FER1L6: variants seen among roughly 807,000 people sequenced by gnomAD.
FER1L6 encodes the protein fer-1-like protein 6.
Under a neutral mutation model 219.2 loss-of-function variants are expected in FER1L6, and 177 were observed. That is an observed-to-expected ratio of 0.81 (90% CI 0.71 to 0.91). The LOEUF (loss-of-function observed/expected upper bound fraction) is 0.91. Among genes scored for constraint, FER1L6 ranks in the 40% least tolerant of loss-of-function variants. FER1L6 has a pLI of 0.00. For synonymous variants in FER1L6, 768 were observed against 824.3 expected, an observed-to-expected ratio of 0.93 and a Z score of 1.17; for missense variants, 2,153 against 2,259.9, an observed-to-expected ratio of 0.95 and a Z score of 0.96.
intron 1 of FER1L6, among the ~76,000 whole-genome samples, chr8:123,866,201 T>C (rs1242327183): frequency 6.6e-6 from 1 of 152,110 alleles, no homozygotes; most frequent in East Asian, 1.9e-4. Flanking sequence ...TGTCTTTTTG[T>C]GCCTTGCTTA....
chr8:124,010,512 C>G, intron 13 of FER1L6, 82 bp from the exon 14 acceptor site: 3 of 1,530,184 alleles, frequency 2.0e-6, no homozygotes, highest in South Asian at 1.2e-5. Flanking sequence ...CTGCCCAGAA[C>G]GTATAAAACA....
chr8:124,077,877 G>C (rs1821361311), intron 32 of FER1L6, among the ~76,000 whole-genome samples: 1 of 152,170 alleles, frequency 6.6e-6, no homozygotes, highest in African/African-American at 2.4e-5. Flanking sequence ...GAAGAGAAGA[G>C]GGTTCTTGTG....
intron 1 of FER1L6, among the ~76,000 whole-genome samples, chr8:123,937,263 A>G (rs559682904): frequency 1.3e-5 from 2 of 152,260 alleles, no homozygotes; most frequent in Non-Finnish European, 2.9e-5. Context: ...CGAGGGAAAC[A>G]GATGAAGTCA....
intron 12 of FER1L6, among the ~76,000 whole-genome samples, chr8:123,993,165 G>A (rs1370207694): frequency 2.6e-5 from 4 of 152,152 alleles, no homozygotes; most frequent in African/African-American, 4.8e-5. Context: ...ATATCCGGCC[G>A]GGCGCGGTGG....
At chr8:123,906,264 C>T (rs1268345873) in intron 1 of FER1L6, among the ~76,000 whole-genome samples, 1 of 152,158 alleles carries the variant, frequency 6.6e-6, no homozygotes, top group Non-Finnish European at 1.5e-5. Context: ...GATGCCAGCA[C>T]CATAACCTCT....
intron 1 of FER1L6, among the ~76,000 whole-genome samples, chr8:123,942,404 A>C (rs1035076326): frequency 2.6e-5 from 4 of 152,238 alleles, no homozygotes; most frequent in Admixed American, 6.5e-5. Flanking sequence ...GACGTGCTAG[A>C]GGAATGGACA....
intron 1 of FER1L6, among the ~76,000 whole-genome samples, chr8:123,879,017 C>T (rs1817059462): frequency 6.6e-6 from 1 of 152,184 alleles, no homozygotes. Flanking sequence ...ATTAAACTTT[C>T]CCTTTGATGT....
intron 32 of FER1L6, among the ~76,000 whole-genome samples, chr8:124,078,416 A>C (rs1331207080): frequency 6.6e-6 from 1 of 152,190 alleles, no homozygotes; most frequent in African/African-American, 2.4e-5. Flanking sequence ...ATGGGTTAAT[A>C]AACCAGCTCG....
chr8:124,047,351 C>T (rs1819781634), intron 21 of FER1L6, among the ~76,000 whole-genome samples: 1 of 152,184 alleles, frequency 6.6e-6, no homozygotes, highest in Admixed American at 6.5e-5. Flanking sequence ...AAAATAATAC[C>T]TTTCTATAGG....
chr8:123,960,336 A>G (rs1437556849), intron 2 of FER1L6, among the ~76,000 whole-genome samples: 2 of 152,204 alleles, frequency 1.3e-5, no homozygotes, highest in East Asian at 3.8e-4. Context: ...TTTGCTGTAC[A>G]CTAGGATCAT....
intron 1 of FER1L6, among the ~76,000 whole-genome samples, chr8:123,929,036 G>A (rs998121282): frequency 6.6e-6 from 1 of 152,170 alleles, no homozygotes; most frequent in African/African-American, 2.4e-5. Flanking sequence ...AATGGCCTTG[G>A]GAATGAGGTC....
intron 33 of FER1L6, among the ~76,000 whole-genome samples, chr8:124,083,611 G>GAA (rs201442038): frequency 5.4e-4 from 80 of 148,846 alleles, no homozygotes; most frequent in African/African-American, 1.8e-3. Flanking sequence ...AAAAAGACAA[G>GAA]AAAAAAAAAA....
intron 12 of FER1L6, among the ~76,000 whole-genome samples, chr8:123,997,352 C>T (rs1283244528): frequency 6.6e-6 from 1 of 152,142 alleles, no homozygotes; most frequent in Non-Finnish European, 1.5e-5. Context: ...TCTCTCCTGG[C>T]CTGTAAGGTT....
chr8:123,904,838 A>G (rs1331513905), intron 1 of FER1L6, among the ~76,000 whole-genome samples: 1 of 152,238 alleles, frequency 6.6e-6, no homozygotes, highest in African/African-American at 2.4e-5. Context: ...TGTTGGTGCC[A>G]GTTCACACTA....
In FER1L6 at chr8:124,097,802, C is replaced by A. The variant is rs1822371894; in HGVS notation, c.4802C>A (p.Thr1601Asn). The A allele has an allele frequency of 1.1e-5, 17 of 1,594,412 alleles. No individual in the cohort carries two copies. The East Asian group carries it at 3.6e-4, about 34-fold the overall frequency. ...RRPKGYELRV[T>N]IWNTEDVILE... Reference sequence around the variant, plus strand: ...CATCCCAGATACGAATTGAGAGTGACCATCTGGAACACTGAAGATGTCATT... The same window carrying A: ...CATCCCAGATACGAATTGAGAGTGAACATCTGGAACACTGAAGATGTCATT... The change falls in exon 37 of 41, where the codon ACC (threonine) becomes AAC (asparagine). Residue 1601 changes from threonine (T) to asparagine (N), a missense_variant. Thr to Asn is a moderately conservative substitution (Grantham distance 65). Transcript: ENST00000522917.
intron 5 of FER1L6, among the ~76,000 whole-genome samples, chr8:123,967,274 G>C (rs1247151744): frequency 6.6e-6 from 1 of 152,092 alleles, no homozygotes; most frequent in Non-Finnish European, 1.5e-5. Context: ...CAGAATACAA[G>C]GAAATATTGT....
intron 13 of FER1L6, among the ~76,000 whole-genome samples, chr8:124,005,407 G>A (rs548132328): frequency 6.6e-6 from 1 of 152,272 alleles, no homozygotes; most frequent in African/African-American, 2.4e-5. Flanking sequence ...ATCCCAATAT[G>A]TCCTGCTGTG....
intron 9 of FER1L6, 40 bp from the exon 10 acceptor site, chr8:123,977,377 G>A (rs1816128113): frequency 1.3e-6 from 2 of 1,577,688 alleles, no homozygotes; most frequent in Non-Finnish European, 1.7e-6. Context: ...TAGTCAGTCA[G>A]TCCCTTCCAT....
chr8:123,934,313 T>C (rs986498947), intron 1 of FER1L6, among the ~76,000 whole-genome samples: 34 of 152,294 alleles, frequency 2.2e-4, no homozygotes. Flanking sequence ...GGTAAGGGAA[T>C]TTATGTCTTT....
Sources: allele counts gnomAD v4.1 joint callset (sites outside exome capture counted in the v4.1 genomes callset), GRCh38; gene constraint gnomAD v4.1.1; transcripts MANE v1.5; gene names NCBI Gene and HGNC (gene_info 2026-07-23, HGNC 2026-07-21).